The following PACS1 variants were observed in gnomAD, a reference collection of about 807,000 sequenced individuals.
PACS1 encodes the protein phosphofurin acidic cluster sorting protein 1.
PACS1 carries 24 observed loss-of-function variants against 115.0 expected under a neutral mutation model. The observed-to-expected ratio is 0.21, with a 90% CI of 0.15 to 0.29. The LOEUF is 0.29. PACS1 is among the 10% of genes least tolerant of loss of function. The pLI, the probability that PACS1 is intolerant of heterozygous loss-of-function variation, is 1.00. For missense variants in PACS1, 838 were observed against 1,251.2 expected (o/e 0.67, Z 4.98); for synonymous variants, 453 against 504.5 (o/e 0.90, Z 1.37).
chr11:66,084,565 G>A (rs1857536858), intron 1 of PACS1, among the ~76,000 whole-genome samples: 1 of 147,674 alleles, frequency 6.8e-6, no homozygotes, highest in Non-Finnish European at 1.5e-5. Context: ...AGCTGATGCT[G>A]GCTTGGACTA....
intron 1 of PACS1, among the ~76,000 whole-genome samples, chr11:66,116,306 C>G (rs559180421): frequency 2.6e-5 from 4 of 152,290 alleles, no homozygotes; most frequent in African/African-American, 7.2e-5. Context: ...CTTCTTTGCC[C>G]TCAGTCGTTA....
At chr11:66,221,356 T>C (rs1360587243) in intron 10 of PACS1, 109 bp downstream of exon 10, 1 of 930,906 alleles carries the variant, frequency 1.1e-6, no homozygotes, top group African/African-American at 1.6e-5. Context: ...CTTAGAAAAG[T>C]GGCCCCATTG....
intron 1 of PACS1, chr11:66,084,176 A>T (rs944545036): frequency 6.6e-6 from 1 of 152,298 alleles, no homozygotes; most frequent in African/African-American, 2.4e-5. Context: ...GTTTTAAACA[A>T]GGTGGTCTAG....
At chr11:66,172,313 G>A (rs1294025900) in intron 1 of PACS1, among the ~76,000 whole-genome samples, 1 of 152,224 alleles carries the variant, frequency 6.6e-6, no homozygotes, top group Admixed American at 6.5e-5. Flanking sequence ...ACACCGAAGA[G>A]GGCTGACCTG....
At chr11:66,201,258 T>C (rs570786720) in intron 2 of PACS1, among the ~76,000 whole-genome samples, 1 of 151,862 alleles carries the variant, frequency 6.6e-6, no homozygotes, top group East Asian at 1.9e-4. Context: ...GCATCTTCCC[T>C]GACCATAATG....
At position 66,230,534 on chromosome 11, in the gene PACS1, C is replaced by A; in HGVS notation, c.1375-14C>A. 6.3e-7 allele frequency: 1 copy of A among 1,594,486 alleles called. No homozygotes were observed. Among genetic ancestry groups the A allele is most frequent in the Non-Finnish European group, 8.6e-7 (1 of 1,162,134 alleles). On this transcript the variant is annotated splice_polypyrimidine_tract_variant and intron_variant, in intron 11 of 23. Transcript: ENST00000320580. ...TGGGAGGTCATCTTCACTGTTTCCT[C>A]TCCTCCATGGTAGGAAATCACTGAC...
intron 1 of PACS1, among the ~76,000 whole-genome samples, chr11:66,183,060 A>G (rs1050628622): frequency 1.3e-5 from 2 of 152,012 alleles, no homozygotes; most frequent in African/African-American, 4.8e-5. Context: ...AGCCCAGGAG[A>G]TGGAGGCCGC....
At chr11:66,128,193 T>C (rs962070612) in intron 1 of PACS1, among the ~76,000 whole-genome samples, 7 of 152,200 alleles carry the variant, frequency 4.6e-5, no homozygotes, top group Non-Finnish European at 8.8e-5. Context: ...CTGGGAAATG[T>C]GGACACTGAC....
intron 4 of PACS1, among the ~76,000 whole-genome samples, chr11:66,213,682 A>G (rs368270821): frequency 1.3e-4 from 20 of 152,220 alleles, no homozygotes; most frequent in East Asian, 7.7e-4. Context: ...TTCCAACCCA[A>G]TGCCTTTTTA....
chr11:66,102,257 G>T (rs1349196683), intron 1 of PACS1, among the ~76,000 whole-genome samples: 1 of 152,098 alleles, frequency 6.6e-6, no homozygotes, highest in Admixed American at 6.6e-5. Flanking sequence ...GAACAGGACA[G>T]ACACGTGATT....
chr11:66,217,455 G>A (rs1182432128), intron 7 of PACS1: 6 of 427,378 alleles, frequency 1.4e-5, no homozygotes, highest in East Asian at 1.5e-4. Context: ...GAGCATTTCC[G>A]AAGGGGAATT....
chr11:66,089,879 A>G (rs1857628763), intron 1 of PACS1, among the ~76,000 whole-genome samples: 1 of 151,590 alleles, frequency 6.6e-6, no homozygotes, highest in Non-Finnish European at 1.5e-5. Flanking sequence ...GGTGGCGGGC[A>G]CCTGTAGTCC....
intron 10 of PACS1, 91 bp from the exon 11 acceptor site, chr11:66,227,411 TGA>T (rs1855489629): frequency 1.4e-6 from 1 of 717,142 alleles, no homozygotes; most frequent in Non-Finnish European, 2.4e-6. Context: ...TGAGATTAAA[TGA>T]AAGTATTTTA....
chr11:66,162,154 C>G (rs984586220), intron 1 of PACS1, among the ~76,000 whole-genome samples: 7 of 104,720 alleles, frequency 6.7e-5, no homozygotes, highest in South Asian at 6.7e-4. Flanking sequence ...GAGACAGTGT[C>G]TCTGTCGCCC....
At chr11:66,176,959 A>G (rs1343731990) in intron 1 of PACS1, among the ~76,000 whole-genome samples, 1 of 152,164 alleles carries the variant, frequency 6.6e-6, no homozygotes, top group East Asian at 1.9e-4. Flanking sequence ...TGTTGTTTGC[A>G]TGCCATTCTC....
chr11:66,075,766 G>C (rs1857384227), intron 1 of PACS1, among the ~76,000 whole-genome samples: 1 of 143,044 alleles, frequency 7.0e-6, no homozygotes, highest in East Asian at 2.0e-4. Context: ...TTGAGACGGA[G>C]TCTCGCTCTG....
intron 1 of PACS1, among the ~76,000 whole-genome samples, chr11:66,086,961 A>G (rs1182373749): frequency 1.3e-5 from 2 of 152,180 alleles, no homozygotes. Context: ...TGTCATGGAA[A>G]TAAACAAAAA....
chr11:66,079,351 TA>T (rs35212412), intron 1 of PACS1, among the ~76,000 whole-genome samples: 122 of 131,596 alleles, frequency 9.3e-4, no homozygotes, highest in Middle Eastern at 4.0e-3. Context: ...AAGGTCTGGG[TA>T]AAAAAAAAAA....
chr11:66,148,365 TCA>T (rs978739780), intron 1 of PACS1, among the ~76,000 whole-genome samples: 18 of 152,240 alleles, frequency 1.2e-4, no homozygotes, highest in African/African-American at 4.3e-4. Flanking sequence ...GAGGCTGTAC[TCA>T]CACTCCAGGC....
Sources: gnomAD v4.1 joint callset for allele counts (sites outside exome capture counted in the v4.1 genomes callset) on GRCh38, gnomAD v4.1.1 for gene constraint, MANE v1.5 for transcripts, NCBI Gene and HGNC (gene_info 2026-07-23, HGNC 2026-07-21) for gene names.